The following SLC2A9 variants were observed in gnomAD, a reference collection of about 807,000 sequenced individuals.
SLC2A9 encodes the protein solute carrier family 2 member 9, also known as solute carrier family 2, facilitated glucose transporter member 9.
SLC2A9 carries 39 observed loss-of-function variants against 50.6 expected under a neutral mutation model. The ratio of observed to expected loss-of-function variants is 0.77; its 90% CI spans 0.60 to 1.01. SLC2A9 has a LOEUF of 1.01. Among genes scored for constraint, SLC2A9 ranks in the 50% least tolerant of loss-of-function variants. SLC2A9 has a pLI of 0.00. For synonymous variants in SLC2A9, 324 were observed against 276.9 expected (o/e 1.17, Z -1.69); for missense variants, 686 against 677.6 (o/e 1.01, Z -0.14).
intron 7 of SLC2A9, among the ~76,000 whole-genome samples, chr4:9,919,892 G>A (rs1278658044): frequency 6.6e-6 from 1 of 152,110 alleles, no homozygotes; most frequent in Non-Finnish European, 1.5e-5. Context: ...AAGCATCTGG[G>A]GAACCTCATG....
chr4:9,840,155 C>T (rs1350577889), intron 10 of SLC2A9, among the ~76,000 whole-genome samples: 1 of 152,138 alleles, frequency 6.6e-6, no homozygotes, highest in Non-Finnish European at 1.5e-5. Flanking sequence ...CTGGGTAACT[C>T]CACAGCATGA....
At chr4:9,999,213 C>G (rs1376751569) in intron 2 of SLC2A9, among the ~76,000 whole-genome samples, 1 of 151,514 alleles carries the variant, frequency 6.6e-6, no homozygotes, top group Non-Finnish European at 1.5e-5. Flanking sequence ...TGCCACTATG[C>G]CTGGATAAAT....
At chr4:9,877,517 T>C (rs1560225092) in intron 10 of SLC2A9, among the ~76,000 whole-genome samples, 1 of 152,224 alleles carries the variant, frequency 6.6e-6, no homozygotes, top group Non-Finnish European at 1.5e-5. Flanking sequence ...TGAACAATGT[T>C]TGGACGAATC....
At chr4:9,861,245 G>T (rs1358966768) in intron 10 of SLC2A9, among the ~76,000 whole-genome samples, 1 of 152,120 alleles carries the variant, frequency 6.6e-6, no homozygotes. Flanking sequence ...AAGGAGAAGT[G>T]AGGTGTCTCA....
rs184790300 is a variant in SLC2A9 at position 9,799,397 on chromosome 4, A to G, written n.421-156T>C. 2.3e-3 allele frequency among the ~76,000 whole-genome samples: 356 copies of G among 152,202 alleles called. 1 individual carries two copies. The highest frequency in any genetic ancestry group is 0.014 in the South Asian group (69 of 4,832). On this transcript the variant is annotated intron_variant and non_coding_transcript_variant, in intron 3 of 3. Coordinates refer to the SLC2A9 transcript ENST00000503280. ...GTGAGGGCTTGCTCTCTGCTTTAAGATGATGCCTTCTTGCTATGTCCTCAT... is the reference window on the plus strand; with the variant it reads ...GTGAGGGCTTGCTCTCTGCTTTAAGGTGATGCCTTCTTGCTATGTCCTCAT...
At chr4:9,824,316 A>C (rs1250024286), downstream of SLC2A9, among the ~76,000 whole-genome samples, 1 of 152,338 alleles carries the variant, frequency 6.6e-6, no homozygotes, top group East Asian at 1.9e-4. Flanking sequence ...CAGTAAAAAA[A>C]AAAAAAAGTT....
intron 3 of SLC2A9, among the ~76,000 whole-genome samples, chr4:9,809,611 T>C (rs1013640224): frequency 6.6e-6 from 1 of 152,142 alleles, no homozygotes; most frequent in Non-Finnish European, 1.5e-5. Context: ...CACCATGACA[T>C]ACCTTCTCCC....
chr4:9,917,476 G>A (rs1021786605), intron 7 of SLC2A9, among the ~76,000 whole-genome samples: 2 of 151,766 alleles, frequency 1.3e-5, no homozygotes, highest in African/African-American at 2.4e-5. Context: ...GGGACTACAG[G>A]TGCCTGCCAC....
intron 10 of SLC2A9, among the ~76,000 whole-genome samples, chr4:9,865,610 G>C (rs1732315844): frequency 6.6e-6 from 1 of 152,222 alleles, no homozygotes. Context: ...TCTTTATATA[G>C]TTCTTCTTGC....
At chr4:9,863,906 T>C (rs553369590) in intron 10 of SLC2A9, among the ~76,000 whole-genome samples, 1 of 152,066 alleles carries the variant, frequency 6.6e-6, no homozygotes, top group East Asian at 1.9e-4. Flanking sequence ...TCACTGTAAG[T>C]TTCCTCCAAA....
intron 1 of SLC2A9, among the ~76,000 whole-genome samples, chr4:9,774,162 T>G (rs1184854851): frequency 1.3e-5 from 2 of 151,870 alleles, no homozygotes; most frequent in African/African-American, 4.8e-5. Context: ...CCCAGCTAAT[T>G]TTTGTATTTT....
chr4:10,006,540 G>C (rs1464684840), intron 2 of SLC2A9: 1 of 152,136 alleles, frequency 6.6e-6, no homozygotes, highest in East Asian at 1.9e-4. Flanking sequence ...GTTGAACCAG[G>C]CCCTCTGAAG....
At position 9,834,882 on chromosome 4, in the gene SLC2A9, T is replaced by C. The variant is rs757136396; in HGVS notation, c.1418A>G (p.Gln473Arg). 25 of 1,614,008 alleles carry C rather than the reference T, an allele frequency of 1.5e-5. No homozygotes were observed. Among genetic ancestry groups the C allele is most frequent in the Non-Finnish European group, 2.0e-5 (24 of 1,180,036 alleles). ...CAAAAGACTCCTTGTCAGTCATACC[T>C]GAATGAATGGGAAGAGGAGCCCAAC... ...FAVGLLFPFI[Q>R]KSLDTYCFLV... is the part of the protein sequence containing the mutation. Residue 473 changes from glutamine (Q) to arginine (R), a missense_variant and splice_region_variant, in exon 11 of 12, where the codon CAG (glutamine) becomes CGG (arginine). Transcript: ENST00000264784.
chr4:9,935,941 T>C (rs1285694970), intron 6 of SLC2A9, among the ~76,000 whole-genome samples: 1 of 152,190 alleles, frequency 6.6e-6, no homozygotes, highest in Non-Finnish European at 1.5e-5. Context: ...TTTTGGGAGC[T>C]GTTGTGTCTG....
chr4:9,858,374 T>A (rs1263213328), intron 10 of SLC2A9, among the ~76,000 whole-genome samples: 1 of 152,232 alleles, frequency 6.6e-6, no homozygotes, highest in African/African-American at 2.4e-5. Flanking sequence ...GTTAATGGAC[T>A]GATGTTTCCA....
At chr4:9,860,991 C>G (rs1196685416) in intron 10 of SLC2A9, among the ~76,000 whole-genome samples, 2 of 152,302 alleles carry the variant, frequency 1.3e-5, no homozygotes, top group East Asian at 3.9e-4. Context: ...CCTGGCTACC[C>G]TAAGATAGCA....
At chr4:10,036,631 G>C (rs1235161303) in intron 1 of SLC2A9, among the ~76,000 whole-genome samples, 1 of 152,058 alleles carries the variant, frequency 6.6e-6, no homozygotes, top group Non-Finnish European at 1.5e-5. Context: ...CTTTTACTCG[G>C]CCATATTTCA....
At chr4:10,017,303 C>A (rs1419661262) in intron 2 of SLC2A9, among the ~76,000 whole-genome samples, 1 of 152,202 alleles carries the variant, frequency 6.6e-6, no homozygotes. Context: ...AGGTTCTCCC[C>A]CACCTCTCAC....
chr4:10,025,747 G>C, upstream of SLC2A9: 1 of 663,310 alleles, frequency 1.5e-6, no homozygotes, highest in Non-Finnish European at 2.7e-6. Flanking sequence ...CAATCCCCAT[G>C]GCTCCTTCCC....
Sources: gnomAD v4.1 joint callset for allele counts (sites outside exome capture counted in the v4.1 genomes callset) on GRCh38, gnomAD v4.1.1 for gene constraint, MANE v1.5 for transcripts, NCBI Gene and HGNC (gene_info 2026-07-23, HGNC 2026-07-21) for gene names.